SLC8A3: variants seen among roughly 807,000 people sequenced by gnomAD.
The protein encoded by SLC8A3 is solute carrier family 8 member A3.
A neutral mutation model predicts 65.4 loss-of-function variants in SLC8A3; 37 were observed. The ratio of observed to expected loss-of-function variants is 0.57; its 90% CI spans 0.44 to 0.74. The LOEUF (loss-of-function observed/expected upper bound fraction) is 0.74. SLC8A3 is among the 30% of genes least tolerant of loss of function. The pLI is 0.00. For missense variants in SLC8A3, 1,112 were observed against 1,172.1 expected, an observed-to-expected ratio of 0.95 and a Z score of 0.75; for synonymous variants, 461 against 444.5, an observed-to-expected ratio of 1.04 and a Z score of -0.47.
rs1891499775 is a variant in SLC8A3 at position 70,087,181 on chromosome 14, ATGTCCT to A, written c.1785-26248_1785-26243del. 2.0e-5 allele frequency among the ~76,000 whole-genome samples: 3 copies of A among 152,242 alleles called. No homozygotes were observed. In the South Asian group the frequency reaches 6.2e-4, roughly 32 times the overall value. ...AATTCAGAATCTTTCTTATCTCCAGATGTCCTTGTCAAAGTCCAGGCTAGCATATCT... is the reference window on the plus strand; with the variant it reads ...AATTCAGAATCTTTCTTATCTCCAGATGTCAAAGTCCAGGCTAGCATATCT... On this transcript the variant is annotated intron_variant, in intron 2 of 6. Transcript: ENST00000356921.
At chr14:70,185,700 C>T (rs1019853344) in intron 1 of SLC8A3, among the ~76,000 whole-genome samples, 7 of 152,342 alleles carry the variant, frequency 4.6e-5, no homozygotes, top group Admixed American at 2.6e-4. Flanking sequence ...TATCCCATGC[C>T]GGGCACAGTG....
chr14:70,123,154 A>G (rs1202530581), intron 2 of SLC8A3, among the ~76,000 whole-genome samples: 7 of 150,782 alleles, frequency 4.6e-5, no homozygotes, highest in Non-Finnish European at 8.9e-5. Context: ...CTGAGGCAGG[A>G]GAATTGCTTG....
At chr14:70,171,965 C>A (rs1897571907) in intron 1 of SLC8A3, among the ~76,000 whole-genome samples, 1 of 152,134 alleles carries the variant, frequency 6.6e-6, no homozygotes, top group Admixed American at 6.5e-5. Flanking sequence ...AAAGCAGGAA[C>A]ATCTCTAATG....
chr14:70,169,698 G>T (rs549216730), intron 1 of SLC8A3, among the ~76,000 whole-genome samples: 1 of 145,180 alleles, frequency 6.9e-6, no homozygotes, highest in African/African-American at 2.5e-5. Flanking sequence ...AAGTGGGGGG[G>T]GGGGCGATCT....
intron 1 of SLC8A3, among the ~76,000 whole-genome samples, chr14:70,174,670 T>G (rs543373906): frequency 0.012 from 1,325 of 110,108 alleles, 30 homozygotes; most frequent in African/African-American, 0.032. Flanking sequence ...TTGTTTTTTT[T>G]TTTTTTTTTT....
At chr14:70,166,529 T>C in intron 2 of SLC8A3, 110 bp downstream of exon 2, 1 of 695,922 alleles carries the variant, frequency 1.4e-6, no homozygotes, top group East Asian at 2.6e-5. Flanking sequence ...GAACCAAAGT[T>C]TGACATTAAC....
intron 2 of SLC8A3, among the ~76,000 whole-genome samples, chr14:70,069,414 G>A (rs150181741): frequency 5.3e-5 from 8 of 152,276 alleles, no homozygotes; most frequent in African/African-American, 9.6e-5. Flanking sequence ...GTCAAGAAGC[G>A]TTCCCTTTCA....
intron 2 of SLC8A3, among the ~76,000 whole-genome samples, chr14:70,158,303 C>A (rs1193977182): frequency 1.3e-5 from 2 of 152,270 alleles, no homozygotes; most frequent in East Asian, 3.9e-4. Flanking sequence ...ACATCTGCAT[C>A]CCCACAACTC....
intron 2 of SLC8A3, among the ~76,000 whole-genome samples, chr14:70,067,340 A>C (rs1339095161): frequency 3.9e-5 from 6 of 152,206 alleles, no homozygotes; most frequent in African/African-American, 1.4e-4. Flanking sequence ...TTAGTTAGTT[A>C]CTGGATGTAA....
chr14:70,131,334 G>A (rs533042464), intron 2 of SLC8A3, among the ~76,000 whole-genome samples: 23 of 152,268 alleles, frequency 1.5e-4, no homozygotes, highest in Admixed American at 7.8e-4. Context: ...GAAGAGGGAG[G>A]CAGAGTATGG....
At chr14:70,173,189 A>G (rs1353088413) in intron 1 of SLC8A3, among the ~76,000 whole-genome samples, 1 of 152,280 alleles carries the variant, frequency 6.6e-6, no homozygotes, top group East Asian at 1.9e-4. Flanking sequence ...AGAAATACCA[A>G]TTTCACCTAA....
intron 2 of SLC8A3, among the ~76,000 whole-genome samples, chr14:70,068,808 C>T (rs1216958657): frequency 6.6e-6 from 1 of 152,156 alleles, no homozygotes; most frequent in African/African-American, 2.4e-5. Context: ...CTCACCACAG[C>T]CTCAACCTCC....
intron 2 of SLC8A3, among the ~76,000 whole-genome samples, chr14:70,088,857 A>C (rs1250202245): frequency 6.6e-6 from 1 of 152,154 alleles, no homozygotes; most frequent in African/African-American, 2.4e-5. Flanking sequence ...ATTTCCAATC[A>C]GGAACCAGAT....
chr14:70,157,348 C>A (rs1003189649), intron 2 of SLC8A3, among the ~76,000 whole-genome samples: 2 of 152,174 alleles, frequency 1.3e-5, no homozygotes, highest in Admixed American at 1.3e-4. Context: ...CAATTTCCCA[C>A]TCCATCATTC....
At chr14:70,184,585 C>T (rs531873615) in intron 1 of SLC8A3, among the ~76,000 whole-genome samples, 26 of 152,336 alleles carry the variant, frequency 1.7e-4, no homozygotes, top group South Asian at 4.1e-4. Flanking sequence ...CCTTTCTGGG[C>T]TTAGCTGTCC....
At chr14:70,169,919 C>T (rs1445165043) in intron 1 of SLC8A3, among the ~76,000 whole-genome samples, 1 of 152,072 alleles carries the variant, frequency 6.6e-6, no homozygotes, top group East Asian at 1.9e-4. Flanking sequence ...TCTCTTCTGT[C>T]CCTTATCCAA....
rs111251018 is a variant in SLC8A3 at position 70,079,636 on chromosome 14, C to G, written c.1785-18697G>C. 8.5e-3 allele frequency among the ~76,000 whole-genome samples: 1,296 copies of G among 152,264 alleles called. 17 individuals are homozygous for G. The highest frequency in any genetic ancestry group is 0.03 in the African/African-American group (1,266 of 41,550). Reference sequence around the variant, plus strand: ...CCATGTCCGGGCATCATAATGGCCCCCACCCCCATGCCATATAATCACGCA... The same window carrying G: ...CCATGTCCGGGCATCATAATGGCCCGCACCCCCATGCCATATAATCACGCA... On this transcript the variant is annotated intron_variant, in intron 2 of 6. Transcript: ENST00000356921.
intron 2 of SLC8A3, among the ~76,000 whole-genome samples, chr14:70,117,744 A>C (rs1893763459): frequency 6.6e-6 from 1 of 152,086 alleles, no homozygotes; most frequent in African/African-American, 2.4e-5. Context: ...CAACCAATCC[A>C]AAACCTACAC....
intron 1 of SLC8A3, among the ~76,000 whole-genome samples, chr14:70,175,725 GCTTTTTTTTTT>G (rs953231738): frequency 7.8e-6 from 1 of 128,252 alleles, no homozygotes; most frequent in African/African-American, 2.8e-5. Flanking sequence ...ATATAGGGAA[GCTTTTTTTTTT>G]CTTTTTTTTT....
Sources: gnomAD v4.1 joint callset for allele counts (sites outside exome capture counted in the v4.1 genomes callset) on GRCh38, gnomAD v4.1.1 for gene constraint, MANE v1.5 for transcripts, NCBI Gene and HGNC (gene_info 2026-07-23, HGNC 2026-07-21) for gene names.